Variants in TEC observed in about 807,000 individuals in gnomAD.
TEC encodes tyrosine-protein kinase Tec.
A neutral mutation model predicts 93.0 loss-of-function variants in TEC; 72 were observed. The ratio of observed to expected loss-of-function variants is 0.77; its 90% CI spans 0.64 to 0.94. The LOEUF is 0.94. Among genes scored for constraint, TEC ranks in the 40% least tolerant of loss-of-function variants. TEC has a pLI of 0.00. For synonymous variants in TEC, 249 were observed against 247.7 expected (o/e 1.01, Z -0.05); for missense variants, 630 against 757.9 (o/e 0.83, Z 1.98).
In TEC at chr4:48,250,037, T is replaced by A. The variant is rs79407376; in HGVS notation, c.-46+19715A>T. On this transcript the variant is annotated intron_variant, in intron 1 of 17. Coordinates refer to ENST00000381501, the MANE Select transcript of TEC (RefSeq NM_003215.3). ...TAGGCTGATAACTCCAAAATCTACA[T>A]CTTTAGCTTTGACATTCTCCAGAAC... Among the ~76,000 whole-genome samples the A allele has an allele frequency of 2.9e-3, 449 of 152,318 alleles. 10 individuals are homozygous for A. The East Asian group carries it at 0.071, about 24-fold the overall frequency.
At chr4:48,179,448 G>A (rs1322098314) in intron 2 of TEC, among the ~76,000 whole-genome samples, 1 of 139,948 alleles carries the variant, frequency 7.1e-6, no homozygotes, top group Non-Finnish European at 1.5e-5. Flanking sequence ...GAGTGCAGTG[G>A]TGCAATCATG....
intron 3 of TEC, 92 bp from the exon 4 acceptor site, chr4:48,171,541 A>ATCCTTCC (rs1721112755): frequency 1.2e-6 from 1 of 834,402 alleles, no homozygotes; most frequent in African/African-American, 1.7e-5. Context: ...GACACCAATA[A>ATCCTTCC]ATGATTCTCA....
chr4:48,155,215 A>G (rs1357107312), intron 9 of TEC, among the ~76,000 whole-genome samples: 1 of 152,242 alleles, frequency 6.6e-6, no homozygotes, highest in Non-Finnish European at 1.5e-5. Context: ...ATGGGAATGA[A>G]CATTGTATCT....
Position 48,251,037 on chromosome 4 carries a change from T to C in TEC, c.-46+18715A>G, listed in dbSNP as rs1484116535. Among the ~76,000 whole-genome samples, 4 of 152,152 alleles carry C rather than the reference T, an allele frequency of 2.6e-5. No homozygotes were observed. The East Asian group carries it at 7.7e-4, about 29-fold the overall frequency. ...TTCCTTCTTATCTCCTTATAATCAT[T>C]TTTCCATGCATCAGTAAATACATTC... On this transcript the variant is annotated intron_variant, in intron 1 of 17. Coordinates refer to ENST00000381501, the MANE Select transcript of TEC (RefSeq NM_003215.3).
chr4:48,185,631 G>C (rs1045973214), intron 2 of TEC, among the ~76,000 whole-genome samples: 1 of 152,076 alleles, frequency 6.6e-6, no homozygotes, highest in African/African-American at 2.4e-5. Context: ...AGGAGAAAAA[G>C]AAACATATTA....
intron 2 of TEC, among the ~76,000 whole-genome samples, chr4:48,217,157 G>A (rs564461531): frequency 1.4e-4 from 21 of 152,118 alleles, no homozygotes; most frequent in African/African-American, 3.4e-4. Flanking sequence ...AGGTGGGAGC[G>A]GAATGGCGTG....
intron 1 of TEC, among the ~76,000 whole-genome samples, chr4:48,257,766 C>T (rs1307062217): frequency 1.4e-5 from 2 of 146,828 alleles, no homozygotes. Flanking sequence ...GTCAGTTTGC[C>T]ACAGTACAAG....
At chr4:48,249,849 T>C (rs1724156064) in intron 1 of TEC, among the ~76,000 whole-genome samples, 1 of 152,204 alleles carries the variant, frequency 6.6e-6, no homozygotes, top group African/African-American at 2.4e-5. Context: ...ATTATACAAG[T>C]AGACACTAAT....
intron 1 of TEC, among the ~76,000 whole-genome samples, chr4:48,238,705 T>A (rs1427412693): frequency 3.4e-5 from 4 of 116,798 alleles, no homozygotes; most frequent in South Asian, 2.4e-4. Flanking sequence ...TAAATTTATA[T>A]ATTTATATGT....
chr4:48,156,177 C>T (rs1490534981), intron 9 of TEC, among the ~76,000 whole-genome samples: 3 of 152,240 alleles, frequency 2.0e-5, no homozygotes, highest in East Asian at 1.9e-4. Flanking sequence ...CAAGGTGTAG[C>T]GTGTAGGAAA....
At chr4:48,216,804 AT>A (rs1050833325) in intron 2 of TEC, among the ~76,000 whole-genome samples, 1 of 152,230 alleles carries the variant, frequency 6.6e-6, no homozygotes, top group East Asian at 1.9e-4. Flanking sequence ...AAGTAATACC[AT>A]TTCTGAACAA....
intron 2 of TEC, among the ~76,000 whole-genome samples, chr4:48,193,946 T>C (rs944897578): frequency 6.6e-6 from 1 of 152,154 alleles, no homozygotes; most frequent in Admixed American, 6.5e-5. Flanking sequence ...ATTTCTGGGA[T>C]AGATGGTGGG....
At chr4:48,266,595 TG>T (rs1461332645) in intron 1 of TEC, among the ~76,000 whole-genome samples, 2 of 152,198 alleles carry the variant, frequency 1.3e-5, no homozygotes, top group Non-Finnish European at 2.9e-5. Flanking sequence ...CCCAGCACTT[TG>T]GGAGCCCAAG....
chr4:48,165,949 G>C (rs995643115), intron 7 of TEC, among the ~76,000 whole-genome samples: 2 of 152,186 alleles, frequency 1.3e-5, no homozygotes, highest in African/African-American at 4.8e-5. Context: ...TGAGAGCTCT[G>C]CAAAAGTGCG....
At chr4:48,204,006 C>G (rs1722620252) in intron 2 of TEC, among the ~76,000 whole-genome samples, 2 of 152,194 alleles carry the variant, frequency 1.3e-5, no homozygotes, top group Admixed American at 1.3e-4. Context: ...GATAAGCAGA[C>G]AGGATCTCCT....
chr4:48,265,075 A>T, intron 1 of TEC, among the ~76,000 whole-genome samples: 1 of 152,128 alleles, frequency 6.6e-6, no homozygotes, highest in Non-Finnish European at 1.5e-5. Context: ...TGGGAAATTC[A>T]ATCTGTGCAG....
intron 3 of TEC, among the ~76,000 whole-genome samples, chr4:48,174,697 C>A (rs1244979736): frequency 6.6e-6 from 1 of 151,654 alleles, no homozygotes; most frequent in Non-Finnish European, 1.5e-5. Flanking sequence ...AGGAATGGTT[C>A]TCTGCTAAAT....
At chr4:48,143,276 T>C (rs996483803) in intron 14 of TEC, among the ~76,000 whole-genome samples, 1 of 152,218 alleles carries the variant, frequency 6.6e-6, no homozygotes, top group Admixed American at 6.5e-5. Flanking sequence ...CCTACCATAG[T>C]AATACCAATA....
intron 8 of TEC, among the ~76,000 whole-genome samples, chr4:48,162,377 C>T (rs1242304857): frequency 6.6e-6 from 1 of 152,196 alleles, no homozygotes; most frequent in Non-Finnish European, 1.5e-5. Flanking sequence ...GAATCATAAA[C>T]TTCAATATTG....
Sources: allele counts gnomAD v4.1 joint callset (sites outside exome capture counted in the v4.1 genomes callset), GRCh38; gene constraint gnomAD v4.1.1; transcripts MANE v1.5; gene names NCBI Gene and HGNC (gene_info 2026-07-23, HGNC 2026-07-21).